IFT140: variants seen among roughly 807,000 people sequenced by gnomAD.
IFT140 encodes intraflagellar transport 140, also known as intraflagellar transport protein 140 homolog.
A neutral mutation model predicts 164.6 loss-of-function variants in IFT140; 133 were observed. The observed-to-expected ratio is 0.81, with a 90% CI of 0.70 to 0.93. The LOEUF (loss-of-function observed/expected upper bound fraction) is 0.93. Ranked by LOEUF, IFT140 falls within the 40% of genes least tolerant of loss-of-function variation. The probability of loss-of-function intolerance (pLI) is 0.00; values close to 1 mark genes in which losing one functional copy is unlikely to be tolerated. For missense variants in IFT140, 2,045 were observed against 1,972.3 expected (o/e 1.04, Z -0.70); for synonymous variants, 860 against 817.3 (o/e 1.05, Z -0.89).
intron 3 of IFT140, chr16:1,604,272 G>GGTGTGTGTGTGTGTGTGTGTGTGT (rs1567431204): frequency 2.3e-5 from 1 of 42,886 alleles, no homozygotes; most frequent in African/African-American, 1.0e-4. Flanking sequence ...GCGCTGCAAG[G>GGTGTGTGTGTGTGTGTGTGTGTGT]GCGTGTGTGT....
chr16:1,515,266 C>T (rs147673562), intron 30 of IFT140, among the ~76,000 whole-genome samples: 43 of 152,238 alleles, frequency 2.8e-4, no homozygotes, highest in Non-Finnish European at 2.9e-5. Flanking sequence ...AGAAGAAAGT[C>T]ATGACAGCAG....
intron 2 of IFT140, among the ~76,000 whole-genome samples, chr16:1,608,010 A>C (rs1412738346): frequency 1.3e-5 from 2 of 152,220 alleles, no homozygotes; most frequent in African/African-American, 2.4e-5. Flanking sequence ...CAGAAAAAAA[A>C]CCAGTACTGA....
chr16:1,565,859 G>A (rs1451624410), intron 16 of IFT140, among the ~76,000 whole-genome samples: 1 of 152,180 alleles, frequency 6.6e-6, no homozygotes, highest in Non-Finnish European at 1.5e-5. Context: ...ATGGGTCTGA[G>A]GTCACCACAT....
At chr16:1,584,568 T>C (rs1450694429) in intron 10 of IFT140, 148 bp from the exon 11 acceptor site, 3 of 663,050 alleles carry the variant, frequency 4.5e-6, no homozygotes, top group Non-Finnish European at 7.7e-6. Flanking sequence ...TTATAAGACA[T>C]TATAAGAAAA....
chr16:1,524,417 C>T (rs568545652), intron 24 of IFT140, 135 bp downstream of exon 24: 33 of 1,196,782 alleles, frequency 2.8e-5, no homozygotes, highest in South Asian at 6.2e-5. Flanking sequence ...GTGAGGCAGA[C>T]GGGGTGAGCA....
At chr16:1,511,356 T>C (rs549537403) in intron 30 of IFT140, among the ~76,000 whole-genome samples, 2 of 152,292 alleles carry the variant, frequency 1.3e-5, no homozygotes, top group East Asian at 1.9e-4. Flanking sequence ...ACACATGCCA[T>C]GTGTGGACAC....
intron 19 of IFT140, chr16:1,540,824 T>C (rs2031561065): frequency 2.0e-6 from 2 of 985,248 alleles, no homozygotes; most frequent in African/African-American, 3.5e-5. Context: ...CCAAATATTG[T>C]TCAATAGAAA....
chr16:1,554,006 C>T, intron 19 of IFT140: 1 of 1,287,250 alleles, frequency 7.8e-7, no homozygotes, highest in Non-Finnish European at 1.0e-6. Context: ...CCAAGGGTTG[C>T]TCACGGCCCA....
chr16:1,602,024 T>C (rs887483896), intron 4 of IFT140, among the ~76,000 whole-genome samples: 1 of 152,128 alleles, frequency 6.6e-6, no homozygotes, highest in African/African-American at 2.4e-5. Context: ...CAACAGAAAA[T>C]GTGACTGGAC....
Position 1,513,968 on chromosome 16 carries a change from C to T in IFT140, c.4183-2818G>A, listed in dbSNP as rs536152074. Among the ~76,000 whole-genome samples the T allele has an allele frequency of 5.9e-5, 9 of 151,776 alleles. No individual in the cohort carries two copies. The South Asian group carries it at 6.3e-4, about 11-fold the overall frequency. On this transcript the variant is annotated intron_variant, in intron 30 of 30. Transcript: ENST00000426508. ...GATTACAGGCGTGAGCCACTGCACC[C>T]GGCTGCTTCTCACAACTTTCTGCCT...
At chr16:1,539,526 T>A (rs2031417578) in intron 19 of IFT140, among the ~76,000 whole-genome samples, 1 of 152,268 alleles carries the variant, frequency 6.6e-6, no homozygotes, top group Admixed American at 6.5e-5. Flanking sequence ...TTTCCCGCTG[T>A]CCGTACGGGA....
intron 15 of IFT140, among the ~76,000 whole-genome samples, chr16:1,567,486 G>T (rs2141586319): frequency 6.6e-6 from 1 of 152,262 alleles, no homozygotes; most frequent in Non-Finnish European, 1.5e-5. Flanking sequence ...AGCAGGCCTG[G>T]CCGGAGCTCC....
Position 1,574,143 on chromosome 16 carries a change from G to A in IFT140, c.1525-2609C>T, listed in dbSNP as rs1237680998. Among the ~76,000 whole-genome samples, 11 of 152,260 alleles carry A rather than the reference G, an allele frequency of 7.2e-5. No homozygotes were observed. The East Asian group carries it at 2.1e-3, about 29-fold the overall frequency. On this transcript the variant is annotated intron_variant, in intron 13 of 30. Coordinates refer to ENST00000426508, the MANE Select transcript of IFT140 (RefSeq NM_014714.4). ...ATTCCTGACCAACAACCTGACATTA[G>A]CCTGTGCCCGGTCCCTCTTTTCGGC...
chr16:1,524,090 G>A lies in IFT140; in HGVS notation c.3142-134C>T, dbSNP rs184754121. 9.5e-5 allele frequency: 110 copies of A among 1,157,814 alleles called. No homozygotes were observed. The African/African-American group carries it at 1.5e-3, about 16-fold the overall frequency. 71.7% of individuals were successfully genotyped at this position (1,157,814 alleles called of 1,614,324 possible). Reference sequence around the variant, plus strand: ...TGCTCAGCGATCTCTGCGGTGATGGGTTTTAAGGAGCTGATGACTTACTGG... The same window carrying A: ...TGCTCAGCGATCTCTGCGGTGATGGATTTTAAGGAGCTGATGACTTACTGG... On this transcript the variant is annotated intron_variant, in intron 24 of 30. Coordinates refer to ENST00000426508, the MANE Select transcript of IFT140 (RefSeq NM_014714.4).
At chr16:1,515,857 G>T (rs1277649512) in intron 30 of IFT140, among the ~76,000 whole-genome samples, 1 of 152,134 alleles carries the variant, frequency 6.6e-6, no homozygotes, top group African/African-American at 2.4e-5. Flanking sequence ...CATGCAAATC[G>T]GAATCATAGG....
At chr16:1,548,925 G>C (rs1463918926) in intron 19 of IFT140, among the ~76,000 whole-genome samples, 2 of 152,236 alleles carry the variant, frequency 1.3e-5, no homozygotes, top group Non-Finnish European at 2.9e-5. Flanking sequence ...ACACACGGAA[G>C]GTTCCCTCAT....
At position 1,526,426 on chromosome 16, in the gene IFT140, C is replaced by G. The variant is rs113971932; in HGVS notation, c.2577+193G>C. The G allele has an allele frequency of 0.065, 41,840 of 642,196 alleles. 1,713 individuals are homozygous for G. Among genetic ancestry groups the G allele is most frequent in the African/African-American group, 0.15 (8,050 of 54,044 alleles). The allele number at this position is 642,196 out of a possible 1,614,324, so 39.8% of individuals were successfully genotyped here. ...CCTGACAGGCACACACCCTGGAGAG[C>G]CGGCGGTCGCCTAGCCTCCACCCAC... On this transcript the variant is annotated intron_variant, in intron 20 of 30. Transcript: ENST00000426508.
chr16:1,547,575 T>C (rs111833008), intron 19 of IFT140, among the ~76,000 whole-genome samples: 3,216 of 152,290 alleles, frequency 0.021, 113 homozygotes, highest in African/African-American at 0.072. Flanking sequence ...CTCACTCCGA[T>C]ACCCAGCCTG....
chr16:1,540,615 C>T (rs554777206), intron 19 of IFT140, among the ~76,000 whole-genome samples: 91 of 152,280 alleles, frequency 6.0e-4, no homozygotes, highest in Middle Eastern at 3.4e-3. Context: ...GTGATGAATG[C>T]GGGCACAGGG....
Sources: allele counts gnomAD v4.1 joint callset (sites outside exome capture counted in the v4.1 genomes callset), GRCh38; gene constraint gnomAD v4.1.1; transcripts MANE v1.5; gene names NCBI Gene and HGNC (gene_info 2026-07-23, HGNC 2026-07-21).